Variants in MOG observed in about 807,000 individuals in gnomAD.
MOG encodes myelin-oligodendrocyte glycoprotein.
Under a neutral mutation model 35.9 loss-of-function variants are expected in MOG, and 20 were observed. That is an observed-to-expected ratio of 0.56 (90% confidence interval 0.39 to 0.81). The LOEUF (loss-of-function observed/expected upper bound fraction) is 0.81. Among genes scored for constraint, MOG ranks in the 30% least tolerant of loss-of-function variants. The probability of loss-of-function intolerance (pLI) is 0.00; values close to 1 mark genes in which losing one functional copy is unlikely to be tolerated. For missense variants in MOG, 251 were observed against 301.0 expected, an observed-to-expected ratio of 0.83 and a Z score of 1.23; for synonymous variants, 92 against 114.3, an observed-to-expected ratio of 0.80 and a Z score of 1.25.
intron 1 of MOG, among the ~76,000 whole-genome samples, chr6:29,658,723 G>A (rs551372293): frequency 1.3e-5 from 2 of 152,312 alleles, no homozygotes; most frequent in Admixed American, 1.3e-4. Flanking sequence ...CAAAAAGATG[G>A]GCAGATGCTG....
rs993628692 is a variant in MOG at position 29,671,310 on chromosome 6, A to G, written c.*125A>G. On this transcript the variant is annotated 3_prime_UTR_variant, in exon 8 of 8. Transcript: ENST00000376917. ...TTGCTATGGGGACATTCCAATTTGCACTTTCAGGAACACTCTGAATTCCAA... is the reference window on the plus strand; with the variant it reads ...TTGCTATGGGGACATTCCAATTTGCGCTTTCAGGAACACTCTGAATTCCAA... 1 of 1,611,748 alleles carries G rather than the reference A, an allele frequency of 6.2e-7. No individual in the cohort carries two copies. Among genetic ancestry groups the G allele is most frequent in the Non-Finnish European group, 8.5e-7 (1 of 1,179,962 alleles).
intron 2 of MOG, 100 bp downstream of exon 2, chr6:29,659,766 C>T: frequency 1.1e-6 from 1 of 950,596 alleles, no homozygotes; most frequent in Non-Finnish European, 1.7e-6. Flanking sequence ...CATCTCAGTC[C>T]TGGGAATGAT....
rs1583073911 is a variant in MOG at position 29,657,675 on chromosome 6, T to C, written c.88+378T>C. On this transcript the variant is annotated intron_variant, in intron 1 of 7. Coordinates refer to ENST00000376917, the MANE Select transcript of MOG (RefSeq NM_206809.4). Reference sequence around the variant, plus strand: ...AATTTTTTCTTTTCTTTTTTTTTTTTTTTTTTTTTGTATTTTAGTACAGAC... The same window carrying C: ...AATTTTTTCTTTTCTTTTTTTTTTTCTTTTTTTTTGTATTTTAGTACAGAC... 4.0e-5 allele frequency among the ~76,000 whole-genome samples: 6 copies of C among 148,826 alleles called. No homozygotes were observed. The East Asian group carries it at 1.2e-3, about 29-fold the overall frequency.
At chr6:29,665,103 T>A (rs1256863248) in intron 2 of MOG, among the ~76,000 whole-genome samples, 1 of 148,986 alleles carries the variant, frequency 6.7e-6, no homozygotes, top group Non-Finnish European at 1.5e-5. Flanking sequence ...TTCTTTTTCT[T>A]TTTTTTTTTT....
chr6:29,659,283 T>C, intron 1 of MOG, 36 bp from the exon 2 acceptor site: 1 of 1,608,120 alleles, frequency 6.2e-7, no homozygotes, highest in Non-Finnish European at 8.5e-7. Context: ...AGGTTCCCTC[T>C]GACCTTAAAT....
At chr6:29,669,915 C>A (rs1383650687) in intron 5 of MOG, among the ~76,000 whole-genome samples, 2 of 151,998 alleles carry the variant, frequency 1.3e-5, no homozygotes, top group Non-Finnish European at 2.9e-5. Context: ...GCATTACAGG[C>A]ATGTGCCACC....
At chr6:29,665,571 T>A (rs1006686009) in intron 2 of MOG, among the ~76,000 whole-genome samples, 3 of 152,194 alleles carry the variant, frequency 2.0e-5, no homozygotes, top group Non-Finnish European at 4.4e-5. Flanking sequence ...CCTATACCAT[T>A]ACCACTGTCC....
At chr6:29,667,831 A>G in intron 4 of MOG, 73 bp from the exon 5 acceptor site, 1 of 1,586,234 alleles carries the variant, frequency 6.3e-7, no homozygotes, top group Non-Finnish European at 8.7e-7. Context: ...AAGTAATTAA[A>G]TAACAAAGAC....
intron 1 of MOG, among the ~76,000 whole-genome samples, chr6:29,658,735 G>A (rs143937032): frequency 4.5e-4 from 69 of 152,324 alleles, no homozygotes; most frequent in African/African-American, 1.6e-3. Context: ...CAGATGCTGA[G>A]AGGAGATGAT....
chr6:29,665,363 TG>T (rs1257818744), intron 2 of MOG, among the ~76,000 whole-genome samples: 1 of 152,154 alleles, frequency 6.6e-6, no homozygotes, highest in African/African-American at 2.4e-5. Context: ...CCCAAAGTGC[TG>T]GGATTACAGG....
At chr6:29,666,518 A>T (rs1770259314) in intron 3 of MOG, among the ~76,000 whole-genome samples, 1 of 152,172 alleles carries the variant, frequency 6.6e-6, no homozygotes, top group Admixed American at 6.5e-5. Flanking sequence ...TTTACAGAGG[A>T]TACAACTGAG....
chr6:29,662,877 G>A lies in MOG; in HGVS notation c.436+3211G>A, dbSNP rs1769169202. Among the ~76,000 whole-genome samples the A allele has an allele frequency of 1.3e-5, 2 of 151,090 alleles. No homozygotes were observed. Among genetic ancestry groups the A allele is most frequent in the African/African-American group, 4.9e-5 (2 of 41,024 alleles). On this transcript the variant is annotated intron_variant, in intron 2 of 7. Coordinates refer to ENST00000376917, the MANE Select transcript of MOG (RefSeq NM_206809.4). The surrounding 1 kb of genome is among the most constrained non-coding windows in gnomAD (Gnocchi z 4.2). The stretch of plus-strand genomic sequence containing the variant: ...TGGGTTTTACCATGTTGATCAGGCT[G>A]GTCTCAAACTCCTAGGCTCAAGCAA...
Position 29,670,589 on chromosome 6 carries a change from G to T in MOG, c.710-112G>T, listed in dbSNP as rs1771254323. 2 of 1,578,758 alleles carry T rather than the reference G, an allele frequency of 1.3e-6. No individual in the cohort carries two copies. The highest frequency in any genetic ancestry group is 1.7e-6 in the Non-Finnish European group (2 of 1,160,402). On this transcript the variant is annotated intron_variant, in intron 6 of 7. Coordinates refer to ENST00000376917, the MANE Select transcript of MOG (RefSeq NM_206809.4). The surrounding 1 kb of genome is among the most constrained non-coding windows in gnomAD (Gnocchi z 4.2). ...AGAGAACCACTTACTGGATCTGTGG[G>T]ATCCCCCAGTGGAAAGGGCAGTGTG...
chr6:29,659,163 G>A (rs1708897467), intron 1 of MOG, among the ~76,000 whole-genome samples, 156 bp from the exon 2 acceptor site: 1 of 151,970 alleles, frequency 6.6e-6, no homozygotes, highest in Admixed American at 6.6e-5. Flanking sequence ...GGAAGAAGAA[G>A]AAGAAGAACA....
chr6:29,665,788 T>C lies in MOG; in HGVS notation c.437-364T>C, dbSNP rs559339582. The stretch of plus-strand genomic sequence containing the variant: ...TTTAAACTGAAATTTAGTGTTTATT[T>C]TAATTATGCTTGTAGGCGATACACC... On this transcript the variant is annotated intron_variant, in intron 2 of 7. Coordinates refer to ENST00000376917, the MANE Select transcript of MOG (RefSeq NM_206809.4). Among the ~76,000 whole-genome samples, 16 of 134,678 alleles carry C rather than the reference T, an allele frequency of 1.2e-4. No individual in the cohort carries two copies. The South Asian group carries it at 3.4e-3, about 28-fold the overall frequency. 88.4% of individuals were successfully genotyped at this position (134,678 alleles called of 152,430 possible). A position where few individuals can be genotyped will look rare whatever the true frequency, so the allele number is the denominator to read the frequency against.
At position 29,670,904 on chromosome 6, in the gene MOG, G is replaced by A; in HGVS notation, c.730+183G>A. The A allele has an allele frequency of 6.2e-7, 1 of 1,604,536 alleles. No individual in the cohort carries two copies. Among genetic ancestry groups the A allele is most frequent in the South Asian group, 1.1e-5 (1 of 89,776 alleles). On this transcript the variant is annotated intron_variant, in intron 7 of 7. Coordinates refer to ENST00000376917, the MANE Select transcript of MOG (RefSeq NM_206809.4). This position sits in a 1 kb window ranked among gnomAD's most constrained non-coding sequence, Gnocchi z 4.2. ...GAGGGCAAAGAAGCCAGCTGTTAGA[G>A]ACACATTTACAGGTGGCAGAGAAGC...
intron 5 of MOG, among the ~76,000 whole-genome samples, 187 bp downstream of exon 5, chr6:29,668,111 T>C (rs545556592): frequency 1.2e-4 from 19 of 152,150 alleles, no homozygotes; most frequent in Non-Finnish European, 2.5e-4. Context: ...TCATGTACTG[T>C]TTTTATGTGC....
At position 29,671,596 on chromosome 6, in the gene MOG, A is replaced by G; in HGVS notation, c.*411A>G. ...TTGCAAATGGTGGTTGTTTCTTCCA[A>G]GACTCCAGCCCTGATTGCGCAAAAC... On this transcript the variant is annotated 3_prime_UTR_variant, in exon 8 of 8. Coordinates refer to ENST00000376917, the MANE Select transcript of MOG (RefSeq NM_206809.4). The G allele has an allele frequency of 1.4e-6, 1 of 726,962 alleles. No homozygotes were observed. 45.0% of individuals were successfully genotyped at this position (726,962 alleles called of 1,614,324 possible).
rs575751556 is a variant in MOG at position 29,669,556 on chromosome 6, G to A, written c.593-725G>A. On this transcript the variant is annotated intron_variant, in intron 5 of 7. Transcript: ENST00000376917. ...TCTGCCTGCCTTGGCCTTCCAAAGT[G>A]CTGGGATTACAGGCATGAGCCACCA... Among the ~76,000 whole-genome samples the A allele has an allele frequency of 1.7e-3, 265 of 152,260 alleles. 6 individuals are homozygous for A. Among genetic ancestry groups the A allele is most frequent in the Middle Eastern group, 0.014 (4 of 294 alleles).
Sources: gnomAD v4.1 joint callset for allele counts (sites outside exome capture counted in the v4.1 genomes callset) on GRCh38, gnomAD v4.1.1 for gene constraint, Gnocchi (gnomAD v3.1) non-coding constraint, MANE v1.5 for transcripts, NCBI Gene and HGNC (gene_info 2026-07-23, HGNC 2026-07-21) for gene names.